LCORL: variants seen among roughly 807,000 people sequenced by gnomAD.
LCORL encodes the protein ligand dependent nuclear receptor corepressor like.
A neutral mutation model predicts 141.8 loss-of-function variants in LCORL; 41 were observed. That is an observed-to-expected ratio of 0.29 (90% CI 0.23 to 0.38). The LOEUF is 0.38. Ranked by LOEUF, LCORL falls within the 10% of genes least tolerant of loss-of-function variation. The probability of loss-of-function intolerance (pLI) is 1.00; values close to 1 mark genes in which losing one functional copy is unlikely to be tolerated. For synonymous variants in LCORL, 618 were observed against 694.1 expected (o/e 0.89, Z 1.72); for missense variants, 1,759 against 2,035.0 (o/e 0.86, Z 2.61).
At position 17,845,606 on chromosome 4, in the gene LCORL, T is replaced by G. The variant is rs1325854210; in HGVS notation, c.*282A>C. 1.9e-5 allele frequency: 12 copies of G among 628,806 alleles called. No homozygotes were observed. In the East Asian group the frequency reaches 3.5e-4, roughly 18 times the overall value. 39.0% of individuals were successfully genotyped at this position (628,806 alleles called of 1,614,324 possible). ...AATCAAAATGATTAATGCTAATGAT[T>G]TAATATAAAGACAAATCACAGGACT... On this transcript the variant is annotated 3_prime_UTR_variant, in exon 8 of 8. Coordinates refer to ENST00000635767, the Ensembl canonical transcript of LCORL.
chr4:17,966,645 A>G (rs1714941803), intron 2 of LCORL, among the ~76,000 whole-genome samples: 2 of 152,188 alleles, frequency 1.3e-5, no homozygotes, highest in Admixed American at 1.3e-4. Flanking sequence ...GTCTGAATAG[A>G]TACATCACCC....
intron 1 of LCORL, among the ~76,000 whole-genome samples, chr4:17,982,420 T>G (rs1718179610): frequency 6.6e-6 from 1 of 152,210 alleles, no homozygotes; most frequent in Admixed American, 6.5e-5. Context: ...GTGTTCCGTT[T>G]TCTCTGCAAC....
Position 17,884,296 on chromosome 4 carries a change from C to A in LCORL, c.776+1772G>T, listed in dbSNP as rs534965383. ...TTACTCGTAGCTGAGGAATTTTTAACTGTACAGTAGGATTTGAAGTTTCAT... is the reference window on the plus strand; with the variant it reads ...TTACTCGTAGCTGAGGAATTTTTAAATGTACAGTAGGATTTGAAGTTTCAT... On this transcript the variant is annotated intron_variant, in intron 6 of 7. Coordinates refer to ENST00000635767, the Ensembl canonical transcript of LCORL. This position sits in a 1 kb window ranked among gnomAD's most constrained non-coding sequence, Gnocchi z 4.4. 1 of 1,550,498 alleles carries A rather than the reference C, an allele frequency of 6.4e-7. No individual in the cohort carries two copies. The highest frequency in any genetic ancestry group is 8.7e-7 in the Non-Finnish European group (1 of 1,146,344).
chr4:17,874,791 A>C (rs1726738148), exon 7 of LCORL: 2 of 1,233,832 alleles, frequency 1.6e-6, no homozygotes, highest in East Asian at 3.2e-5. Context: ...ATTATCTTCC[A>C]AACACTTTTT....
intron 4 of LCORL, among the ~76,000 whole-genome samples, chr4:17,946,803 C>T (rs1219577069): frequency 3.3e-5 from 5 of 151,866 alleles, no homozygotes; most frequent in Admixed American, 6.6e-5. Flanking sequence ...ATGGGAATTA[C>T]ACTCTATTTG....
intron 1 of LCORL, among the ~76,000 whole-genome samples, chr4:17,980,148 G>A (rs955163991): frequency 5.9e-5 from 9 of 152,124 alleles, no homozygotes; most frequent in Admixed American, 1.3e-4. Context: ...AATTTGTCAC[G>A]TGCCACTAAA....
At chr4:17,985,208 G>A (rs1394695675) in intron 1 of LCORL, among the ~76,000 whole-genome samples, 8 of 152,040 alleles carry the variant, frequency 5.3e-5, no homozygotes. Flanking sequence ...TTTAGAGTAT[G>A]TGATGTGCCA....
intron 4 of LCORL, among the ~76,000 whole-genome samples, chr4:17,918,428 A>G (rs927330373): frequency 6.6e-6 from 1 of 152,244 alleles, no homozygotes; most frequent in East Asian, 1.9e-4. Flanking sequence ...GACATTTAAA[A>G]TAGGTTCAAA....
chr4:17,842,360 G>T, exon 8 of LCORL: 1 of 1,612,090 alleles, frequency 6.2e-7, no homozygotes, highest in Non-Finnish European at 8.5e-7. Context: ...GTGTCAGACT[G>T]CTGAAGCCGA....
At chr4:17,943,215 C>T (rs894838103) in intron 4 of LCORL, among the ~76,000 whole-genome samples, 2 of 152,126 alleles carry the variant, frequency 1.3e-5, no homozygotes, top group Non-Finnish European at 2.9e-5. Context: ...CCGTATCCTA[C>T]TGTAACAAGC....
At chr4:17,862,640 G>A (rs928954329) in intron 7 of LCORL, among the ~76,000 whole-genome samples, 1 of 152,188 alleles carries the variant, frequency 6.6e-6, no homozygotes, top group Non-Finnish European at 1.5e-5. Context: ...TCCCTATTCA[G>A]TATATGGTGC....
At chr4:17,867,700 G>A (rs1725848244) in intron 7 of LCORL, among the ~76,000 whole-genome samples, 2 of 152,226 alleles carry the variant, frequency 1.3e-5, no homozygotes, top group South Asian at 4.1e-4. Context: ...AAAAGAAAAA[G>A]TATCCAATGT....
At chr4:17,880,390 G>A in intron 6 of LCORL, 2 of 833,930 alleles carry the variant, frequency 2.4e-6, no homozygotes, top group South Asian at 1.1e-4. Context: ...TTCTAAAATT[G>A]TATTTTTTTT....
chr4:17,875,609 G>T (rs1313695155), exon 7 of LCORL: 17 of 1,230,976 alleles, frequency 1.4e-5, no homozygotes, highest in Admixed American at 4.2e-5. Context: ...CTTCTGATAT[G>T]AGACATTCTG....
At chr4:17,874,458 T>C in exon 7 of LCORL, 1 of 1,233,904 alleles carries the variant, frequency 8.1e-7, no homozygotes, top group Non-Finnish European at 1.0e-6. Flanking sequence ...TTCTGTTGTT[T>C]GCATAAACCA....
intron 6 of LCORL, among the ~76,000 whole-genome samples, chr4:17,878,761 C>A (rs927458297): frequency 6.0e-5 from 9 of 151,076 alleles, no homozygotes; most frequent in South Asian, 2.1e-4. Context: ...AAGCTGCAGG[C>A]GTTAGCTATT....
intron 4 of LCORL, among the ~76,000 whole-genome samples, chr4:17,946,310 A>G (rs1738867740): frequency 6.6e-6 from 1 of 151,986 alleles, no homozygotes; most frequent in East Asian, 1.9e-4. Flanking sequence ...TGTATATGGT[A>G]TCCTAAAATT....
At chr4:17,998,061 G>A (rs1032673722) in intron 1 of LCORL, among the ~76,000 whole-genome samples, 4 of 152,104 alleles carry the variant, frequency 2.6e-5, no homozygotes, top group African/African-American at 7.2e-5. Flanking sequence ...TGTACAGAAC[G>A]TTACTGTACT....
At chr4:17,965,249 C>G (rs994607802) in intron 2 of LCORL, among the ~76,000 whole-genome samples, 3 of 151,968 alleles carry the variant, frequency 2.0e-5, no homozygotes, top group African/African-American at 7.2e-5. Flanking sequence ...TCTATATTAA[C>G]TTTTTATTTT....
Sources: allele counts gnomAD v4.1 joint callset (sites outside exome capture counted in the v4.1 genomes callset), GRCh38; gene constraint gnomAD v4.1.1; non-coding constraint Gnocchi (gnomAD v3.1); transcripts MANE v1.5; gene names NCBI Gene and HGNC (gene_info 2026-07-23, HGNC 2026-07-21).